The following ARHGEF28 variants were observed in gnomAD, a reference collection of about 807,000 sequenced individuals.
ARHGEF28 encodes 190 kDa guanine nucleotide exchange factor.
ARHGEF28 carries 152 observed loss-of-function variants against 206.6 expected under a neutral mutation model. The observed-to-expected ratio is 0.74, with a 90% CI of 0.64 to 0.84. ARHGEF28 has a LOEUF of 0.84. ARHGEF28 is among the 40% of genes least tolerant of loss of function. The pLI is 0.00. For missense variants in ARHGEF28, 2,028 were observed against 2,073.2 expected (o/e 0.98, Z 0.42); for synonymous variants, 763 against 776.4 (o/e 0.98, Z 0.29).
chr5:73,829,441 C>T (rs879738948), intron 9 of ARHGEF28, among the ~76,000 whole-genome samples: 5 of 152,102 alleles, frequency 3.3e-5, no homozygotes, highest in Non-Finnish European at 5.9e-5. Context: ...AGTGCAGTGG[C>T]GCAATCTCGG....
At chr5:73,870,545 G>A (rs1760041517) in intron 21 of ARHGEF28, among the ~76,000 whole-genome samples, 1 of 152,108 alleles carries the variant, frequency 6.6e-6, no homozygotes, top group Non-Finnish European at 1.5e-5. Context: ...CTTAGGTTTG[G>A]CCTATACTCT....
chr5:73,692,760 A>G (rs1481895960), intron 2 of ARHGEF28, among the ~76,000 whole-genome samples: 1 of 152,192 alleles, frequency 6.6e-6, no homozygotes, highest in African/African-American at 2.4e-5. Flanking sequence ...CAGCTCAGGG[A>G]AGCAGCTTCT....
At position 73,874,887 on chromosome 5, in the gene ARHGEF28, A is replaced by G. The variant is rs1760356162; in HGVS notation, c.2814+1641A>G. 8.0e-5 allele frequency among the ~76,000 whole-genome samples: 12 copies of G among 150,924 alleles called. No homozygotes were observed. In the South Asian group the frequency reaches 2.3e-3, roughly 29 times the overall value. On this transcript the variant is annotated intron_variant, in intron 22 of 35. Coordinates refer to ENST00000513042, the MANE Select transcript of ARHGEF28 (RefSeq NM_001177693.2). ...AATGCCACAATAAACATACGTGTGC[A>G]TGTGTCTTTATAGCAGCATGATTTA...
At chr5:73,847,777 T>A (rs865822286) in intron 12 of ARHGEF28, among the ~76,000 whole-genome samples, 1 of 152,196 alleles carries the variant, frequency 6.6e-6, no homozygotes, top group African/African-American at 2.4e-5. Context: ...GACAAATGGT[T>A]ACCACGTATA....
chr5:73,756,727 T>TA (rs918193150), intron 4 of ARHGEF28, among the ~76,000 whole-genome samples: 1 of 152,078 alleles, frequency 6.6e-6, no homozygotes, highest in Non-Finnish European at 1.5e-5. Context: ...TATTCCACGT[T>TA]AAAAAAAACA....
At chr5:73,807,279 T>C (rs1473203772) in intron 9 of ARHGEF28, among the ~76,000 whole-genome samples, 1 of 152,074 alleles carries the variant, frequency 6.6e-6, no homozygotes, top group East Asian at 1.9e-4. Context: ...AATCCAAAAT[T>C]CCATATGATT....
intron 26 of ARHGEF28, among the ~76,000 whole-genome samples, chr5:73,889,258 C>T (rs914686586): frequency 3.3e-5 from 5 of 152,182 alleles, no homozygotes; most frequent in Admixed American, 3.3e-4. Flanking sequence ...TCCCTAGGTG[C>T]TTGTCTTGCT....
intron 1 of ARHGEF28, among the ~76,000 whole-genome samples, chr5:73,631,293 T>A (rs1561297020): frequency 6.6e-6 from 1 of 152,182 alleles, no homozygotes; most frequent in Non-Finnish European, 1.5e-5. Flanking sequence ...CTTTTCCCAC[T>A]AAGACCCTGA....
chr5:73,640,489 A>G (rs1744005769), intron 1 of ARHGEF28, among the ~76,000 whole-genome samples: 1 of 152,190 alleles, frequency 6.6e-6, no homozygotes, highest in Non-Finnish European at 1.5e-5. Flanking sequence ...TTTAAGCCAA[A>G]CTTTCTTCTG....
At chr5:73,897,788 G>A (rs189004105) in intron 29 of ARHGEF28, among the ~76,000 whole-genome samples, 174 bp from the exon 30 acceptor site, 66 of 152,308 alleles carry the variant, frequency 4.3e-4, no homozygotes, top group Admixed American at 1.4e-3. Flanking sequence ...GTGTGCGCGC[G>A]TGCGTAGGCA....
At chr5:73,753,236 CTG>C in intron 4 of ARHGEF28, 34 bp downstream of exon 4, 5 of 1,510,544 alleles carry the variant, frequency 3.3e-6, no homozygotes, top group South Asian at 1.4e-5. Context: ...GATATCCCCT[CTG>C]TGTGTCAAGT....
intron 9 of ARHGEF28, among the ~76,000 whole-genome samples, chr5:73,812,731 G>A (rs1470036137): frequency 6.6e-6 from 1 of 152,108 alleles, no homozygotes; most frequent in Non-Finnish European, 1.5e-5. Context: ...TATTGAGGTG[G>A]ACTGAAAGTT....
intron 2 of ARHGEF28, among the ~76,000 whole-genome samples, chr5:73,734,157 A>G (rs563319752): frequency 1.8e-4 from 28 of 152,216 alleles, no homozygotes; most frequent in South Asian, 8.3e-4. Flanking sequence ...TCTAAACTAT[A>G]TAAGAGGGTA....
At chr5:73,756,934 A>G (rs571505532) in intron 4 of ARHGEF28, among the ~76,000 whole-genome samples, 1 of 152,354 alleles carries the variant, frequency 6.6e-6, no homozygotes, top group Non-Finnish European at 1.5e-5. Flanking sequence ...AAGGACTAAC[A>G]TTAATGCCCT....
chr5:73,910,510 G>A (rs1456543416), intron 34 of ARHGEF28, among the ~76,000 whole-genome samples: 1 of 151,928 alleles, frequency 6.6e-6, no homozygotes, highest in African/African-American at 2.4e-5. Context: ...AAAGGCCAGG[G>A]TGGGTTTGTC....
At chr5:73,783,372 G>A (rs60959403) in intron 7 of ARHGEF28, among the ~76,000 whole-genome samples, 5 of 119,362 alleles carry the variant, frequency 4.2e-5, no homozygotes, top group Non-Finnish European at 7.2e-5. Context: ...GTGTGTGTGT[G>A]TGTGTGTGTG....
At chr5:73,873,325 T>G in intron 22 of ARHGEF28, 79 bp downstream of exon 22, 1 of 1,458,256 alleles carries the variant, frequency 6.9e-7, no homozygotes, top group Non-Finnish European at 9.2e-7. Flanking sequence ...TCAACAAGAG[T>G]AAAAAAAATG....
intron 7 of ARHGEF28, among the ~76,000 whole-genome samples, chr5:73,782,391 T>C (rs1300349816): frequency 6.6e-6 from 1 of 152,098 alleles, no homozygotes; most frequent in Non-Finnish European, 1.5e-5. Context: ...TGAGCTGAGA[T>C]TGCGCCACTG....
At chr5:73,862,988 A>C (rs888464056) in intron 16 of ARHGEF28, 2 of 151,016 alleles carry the variant, frequency 1.3e-5, no homozygotes, top group Non-Finnish European at 2.9e-5. Context: ...TTTTTTTTTC[A>C]CACAAGAAAA....
Sources: gnomAD v4.1 joint callset for allele counts (sites outside exome capture counted in the v4.1 genomes callset) on GRCh38, gnomAD v4.1.1 for gene constraint, MANE v1.5 for transcripts, NCBI Gene and HGNC (gene_info 2026-07-23, HGNC 2026-07-21) for gene names.